CSMD3: variants seen among roughly 807,000 people sequenced by gnomAD.
CSMD3 encodes the protein CUB and sushi domain-containing protein 3.
In CSMD3, 177 loss-of-function variants were observed where a neutral mutation model predicts 435.2. The ratio of observed to expected loss-of-function variants is 0.41; its 90% CI spans 0.36 to 0.46. The LOEUF is 0.46. Among genes scored for constraint, CSMD3 ranks in the 20% least tolerant of loss-of-function variants. The pLI is 0.34. For missense variants in CSMD3, 4,265 were observed against 4,504.6 expected (o/e 0.95, Z 1.52); for synonymous variants, 1,656 against 1,520.5 (o/e 1.09, Z -2.07).
At chr8:112,940,522 C>T (rs958815) in intron 9 of CSMD3, among the ~76,000 whole-genome samples, 1 of 151,582 alleles carries the variant, frequency 6.6e-6, no homozygotes, top group Non-Finnish European at 1.5e-5. Context: ...GGGCATTTAA[C>T]TTTTTAATTT....
chr8:113,076,890 T>C (rs2089361380), intron 5 of CSMD3, among the ~76,000 whole-genome samples: 1 of 152,134 alleles, frequency 6.6e-6, no homozygotes, highest in Non-Finnish European at 1.5e-5. Context: ...ATTCATCATA[T>C]TATTTATCAC....
At chr8:112,296,494 G>C (rs1404820454) in intron 53 of CSMD3, among the ~76,000 whole-genome samples, 3 of 151,578 alleles carry the variant, frequency 2.0e-5, no homozygotes, top group African/African-American at 7.3e-5. Context: ...AGCTTGCAGT[G>C]AGCGCAGATC....
chr8:112,829,599 G>A, intron 12 of CSMD3, 87 bp downstream of exon 12: 1 of 763,150 alleles, frequency 1.3e-6, no homozygotes, highest in Middle Eastern at 2.3e-4. Context: ...GTAGTAGTGG[G>A]AGCGATCAAT....
chr8:113,310,886 T>G (rs1394128092), intron 2 of CSMD3: 1 of 151,848 alleles, frequency 6.6e-6, no homozygotes. Context: ...ATAAATTATA[T>G]CCACAGGATT....
chr8:112,304,382 T>G (rs1014723980), intron 52 of CSMD3, among the ~76,000 whole-genome samples: 2 of 151,918 alleles, frequency 1.3e-5, no homozygotes, highest in Non-Finnish European at 2.9e-5. Context: ...CAAAGGTTTT[T>G]TTTTTTTTTT....
intron 27 of CSMD3, among the ~76,000 whole-genome samples, chr8:112,540,448 A>G (rs1826556270): frequency 6.6e-6 from 1 of 152,094 alleles, no homozygotes; most frequent in African/African-American, 2.4e-5. Flanking sequence ...TCCAAAAGAA[A>G]GAAAATTAGT....
chr8:113,341,135 G>GTA (rs976743361), intron 1 of CSMD3, among the ~76,000 whole-genome samples: 1 of 151,960 alleles, frequency 6.6e-6, no homozygotes, highest in African/African-American at 2.4e-5. Flanking sequence ...ACTTATACGT[G>GTA]TATATATATG....
chr8:112,626,950 C>T (rs1586835406), intron 22 of CSMD3, among the ~76,000 whole-genome samples: 1 of 152,112 alleles, frequency 6.6e-6, no homozygotes, highest in African/African-American at 2.4e-5. Flanking sequence ...AATTGCTTAA[C>T]CTCCCTGTGT....
At chr8:112,436,864 T>C (rs530963086) in intron 32 of CSMD3, among the ~76,000 whole-genome samples, 3 of 152,046 alleles carry the variant, frequency 2.0e-5, no homozygotes, top group Non-Finnish European at 2.9e-5. Flanking sequence ...TAAAAGGAAA[T>C]GTGTTACAAA....
Position 113,271,538 on chromosome 8 carries a change from C to T in CSMD3, c.514+7054G>A, listed in dbSNP as rs867853401. 2.0e-5 allele frequency among the ~76,000 whole-genome samples: 3 copies of T among 152,052 alleles called. No individual in the cohort carries two copies. In the South Asian group the frequency reaches 6.2e-4, roughly 32 times the overall value. The stretch of plus-strand genomic sequence containing the variant: ...CAGCTTACACGTGATGTTGAGCCTG[C>T]GGGTGAACAGAAGCCAAGAATTAAG... On this transcript the variant is annotated intron_variant, in intron 3 of 70. Coordinates refer to ENST00000297405, the MANE Select transcript of CSMD3 (RefSeq NM_198123.2).
chr8:112,411,122 C>CTTT (rs144741058), intron 32 of CSMD3, among the ~76,000 whole-genome samples: 2 of 136,526 alleles, frequency 1.5e-5, no homozygotes, highest in African/African-American at 2.7e-5. Context: ...AAAAATTCAT[C>CTTT]TTTTTTTTTT....
At chr8:112,710,976 C>A (rs2076598152) in intron 13 of CSMD3, among the ~76,000 whole-genome samples, 2 of 151,788 alleles carry the variant, frequency 1.3e-5, no homozygotes, top group African/African-American at 4.8e-5. Flanking sequence ...GCCCAGCCAG[C>A]CAACAGGGTA....
chr8:112,522,567 T>A (rs1371702157), intron 27 of CSMD3, among the ~76,000 whole-genome samples: 1 of 151,882 alleles, frequency 6.6e-6, no homozygotes, highest in Non-Finnish European at 1.5e-5. Context: ...AACAAATGAA[T>A]GAATGAATGA....
chr8:112,353,562 C>T (rs1408424395), intron 38 of CSMD3, among the ~76,000 whole-genome samples: 1 of 151,988 alleles, frequency 6.6e-6, no homozygotes, highest in Non-Finnish European at 1.5e-5. Context: ...GGAAAAAGTT[C>T]CTGGAAACAT....
At chr8:113,131,701 T>C (rs1424273198) in intron 4 of CSMD3, among the ~76,000 whole-genome samples, 1 of 152,146 alleles carries the variant, frequency 6.6e-6, no homozygotes, top group African/African-American at 2.4e-5. Flanking sequence ...CTAGTGGAGC[T>C]GTGAGAAAAG....
At chr8:112,384,334 C>T (rs996715795) in intron 36 of CSMD3, among the ~76,000 whole-genome samples, 1 of 151,974 alleles carries the variant, frequency 6.6e-6, no homozygotes, top group African/African-American at 2.4e-5. Context: ...AGTGAAGGTC[C>T]TTAAAGTTGA....
chr8:113,219,243 A>G (rs905271392), intron 3 of CSMD3, among the ~76,000 whole-genome samples: 1 of 151,396 alleles, frequency 6.6e-6, no homozygotes, highest in Non-Finnish European at 1.5e-5. Flanking sequence ...TTCAATCAGG[A>G]AAAGGAAACT....
chr8:112,912,870 A>G (rs2082464641), intron 10 of CSMD3, among the ~76,000 whole-genome samples: 1 of 152,064 alleles, frequency 6.6e-6, no homozygotes, highest in Non-Finnish European at 1.5e-5. Flanking sequence ...CTTAATGGCA[A>G]GAAAACAACT....
At chr8:113,080,514 T>TA (rs1490898768) in intron 5 of CSMD3, among the ~76,000 whole-genome samples, 3 of 152,142 alleles carry the variant, frequency 2.0e-5, no homozygotes, top group Non-Finnish European at 2.9e-5. Flanking sequence ...ACAGAGGAGA[T>TA]AGACAAAAAT....
Sources: gnomAD v4.1 joint callset for allele counts (sites outside exome capture counted in the v4.1 genomes callset) on GRCh38, gnomAD v4.1.1 for gene constraint, MANE v1.5 for transcripts, NCBI Gene and HGNC (gene_info 2026-07-23, HGNC 2026-07-21) for gene names.